NGEF: variants seen among roughly 807,000 people sequenced by gnomAD.
NGEF encodes the protein ephexin-1.
NGEF carries 31 observed loss-of-function variants against 80.9 expected under a neutral mutation model. That is an observed-to-expected ratio of 0.38 (90% CI 0.29 to 0.52). The LOEUF is 0.52. Among genes scored for constraint, NGEF ranks in the 20% least tolerant of loss-of-function variants. The probability of loss-of-function intolerance (pLI) is 0.84; values close to 1 mark genes in which losing one functional copy is unlikely to be tolerated. For missense variants in NGEF, 709 were observed against 926.2 expected (o/e 0.77, Z 3.04); for synonymous variants, 371 against 370.2 (o/e 1.00, Z -0.03).
At chr2:232,949,764 C>A (rs1693642034) in intron 3 of NGEF, among the ~76,000 whole-genome samples, 1 of 151,582 alleles carries the variant, frequency 6.6e-6, no homozygotes, top group Admixed American at 6.6e-5. Context: ...CAGGTTGAGC[C>A]ACTGCGCCTG....
chr2:232,916,602 G>A (rs1174686637), intron 5 of NGEF, among the ~76,000 whole-genome samples: 3 of 152,214 alleles, frequency 2.0e-5, no homozygotes, highest in Non-Finnish European at 4.4e-5. Flanking sequence ...CAATAAACAT[G>A]TGAAAAGATG....
intron 12 of NGEF, among the ~76,000 whole-genome samples, 158 bp downstream of exon 12, chr2:232,883,153 A>G (rs540131734): frequency 6.6e-6 from 1 of 152,252 alleles, no homozygotes; most frequent in Admixed American, 6.5e-5. Context: ...GCTCCATAGA[A>G]AGTATTGGCG....
rs1444160637 is a variant in NGEF at position 232,920,252 on chromosome 2, T to C, written c.828+32A>G. 1.9e-6 allele frequency: 3 copies of C among 1,589,914 alleles called. No homozygotes were observed. In the South Asian group the frequency reaches 3.4e-5, roughly 18 times the overall value. On this transcript the variant is annotated intron_variant, in intron 5 of 14. Transcript: ENST00000264051. ...CAGTGAGGGCCACCCCGGTGTGCTG[T>C]GGGGGAGCCCCCGCCCCTCGGCGCC...
At position 232,881,218 on chromosome 2, in the gene NGEF, C is replaced by T. The variant is rs367563758; in HGVS notation, c.1870G>A (p.Val624Met). The change falls in exon 14 of 15, where the codon GTG becomes ATG. Residue 624 changes from valine to methionine, a missense_variant. By Grantham distance (21) the Val-to-Met change is conservative. Around this residue, in one of 2 missense-constraint regions of NGEF, gnomAD observed 426 missense variants for 622.9 expected, o/e 0.68. Coordinates refer to ENST00000264051, the MANE Select transcript of NGEF (RefSeq NM_019850.3). ...CPQVQCVHPY[V>M]AQQPDELTLE... is the part of the protein sequence containing the mutation. Reference sequence around the variant, plus strand: ...GTCAGCTCGTCTGGCTGCTGAGCCACGTATGGGTGCACGCACTGGACCTGG... The same window carrying T: ...GTCAGCTCGTCTGGCTGCTGAGCCATGTATGGGTGCACGCACTGGACCTGG... 9 of 1,610,090 alleles carry T rather than the reference C, an allele frequency of 5.6e-6. No individual in the cohort carries two copies. The highest frequency in any genetic ancestry group is 3.3e-5 in the Admixed American group (2 of 59,974).
intron 1 of NGEF, among the ~76,000 whole-genome samples, chr2:232,992,166 G>T (rs1044520314): frequency 9.2e-5 from 14 of 152,056 alleles, no homozygotes; most frequent in African/African-American, 3.4e-4. Flanking sequence ...ATAGGTAATG[G>T]TTTCCTACAT....
intron 1 of NGEF, among the ~76,000 whole-genome samples, chr2:232,978,580 A>C (rs1401767039): frequency 6.6e-5 from 10 of 152,214 alleles, no homozygotes; most frequent in Admixed American, 6.5e-4. Context: ...TAGTTTTGAC[A>C]AACACATTCA....
chr2:232,952,953 AAG>A (rs1195739569), intron 3 of NGEF, among the ~76,000 whole-genome samples: 2 of 92,956 alleles, frequency 2.2e-5, no homozygotes, highest in Non-Finnish European at 4.9e-5. Context: ...GAGTGCAGAC[AAG>A]AGTGAGACAG....
chr2:232,903,457 C>A (rs1692413795), intron 5 of NGEF, among the ~76,000 whole-genome samples: 1 of 152,082 alleles, frequency 6.6e-6, no homozygotes, highest in South Asian at 2.1e-4. Flanking sequence ...CACACACACA[C>A]ACACCTGAAT....
intron 3 of NGEF, among the ~76,000 whole-genome samples, chr2:232,940,094 G>A (rs1179632715): frequency 2.6e-5 from 4 of 152,114 alleles, no homozygotes; most frequent in Admixed American, 6.5e-5. Context: ...GGTGTGACGT[G>A]CCACTAAAAT....
chr2:232,977,315 G>A (rs1479867791), intron 1 of NGEF, among the ~76,000 whole-genome samples: 1 of 152,190 alleles, frequency 6.6e-6, no homozygotes. Flanking sequence ...ACCTCTGGGA[G>A]CCTGGGGGCA....
chr2:232,894,411 C>A (rs1422505669), intron 6 of NGEF, among the ~76,000 whole-genome samples: 1 of 152,180 alleles, frequency 6.6e-6, no homozygotes, highest in Non-Finnish European at 1.5e-5. Flanking sequence ...CACAAGACTC[C>A]CGTGGACCTG....
chr2:232,880,257 G>A (rs369680854), intron 14 of NGEF, among the ~76,000 whole-genome samples: 1 of 152,176 alleles, frequency 6.6e-6, no homozygotes, highest in Non-Finnish European at 1.5e-5. Context: ...TTCTCCCTGC[G>A]CTGTTTCTCC....
intron 14 of NGEF, 69 bp from the exon 15 acceptor site, chr2:232,879,748 C>T: frequency 6.8e-7 from 1 of 1,467,614 alleles, no homozygotes; most frequent in Non-Finnish European, 9.3e-7. Context: ...AGGCTCCCTC[C>T]TGGCCAGGGC....
intron 5 of NGEF, among the ~76,000 whole-genome samples, chr2:232,896,008 A>G (rs1345571369): frequency 6.6e-6 from 1 of 150,474 alleles, no homozygotes; most frequent in Non-Finnish European, 1.5e-5. Context: ...TTGTTTACAA[A>G]TCAACCCAAT....
intron 1 of NGEF, among the ~76,000 whole-genome samples, chr2:232,983,936 A>G (rs1429832204): frequency 2.0e-5 from 3 of 152,078 alleles, no homozygotes; most frequent in Admixed American, 6.5e-5. Context: ...ACCTCTTCTC[A>G]CTCCTTGCTG....
At chr2:232,880,864 C>T (rs895839873) in intron 14 of NGEF, among the ~76,000 whole-genome samples, 2 of 152,130 alleles carry the variant, frequency 1.3e-5, no homozygotes, top group East Asian at 3.9e-4. Flanking sequence ...GAGGGGGACA[C>T]GAAGCCACCC....
rs550942158 is a variant in NGEF at position 232,920,766 on chromosome 2, C to T, written c.527-181G>A. ...TCCAGGCCACGGGATACACTGCCAT[C>T]GTCCTCATTTCTTGGGAAAGACCAG... On this transcript the variant is annotated intron_variant, in intron 4 of 14. Transcript: ENST00000264051. Among the ~76,000 whole-genome samples, 6 of 152,280 alleles carry T rather than the reference C, an allele frequency of 3.9e-5. No individual in the cohort carries two copies. In the East Asian group the frequency reaches 9.7e-4, roughly 24 times the overall value.
intron 1 of NGEF, among the ~76,000 whole-genome samples, chr2:232,996,350 AAAC>A (rs537803749): frequency 1.3e-5 from 2 of 152,176 alleles, no homozygotes; most frequent in South Asian, 2.1e-4. Flanking sequence ...ACAACAACAC[AAAC>A]AACAACAACA....
At chr2:232,928,098 A>AGC in intron 3 of NGEF, 1 of 1,069,574 alleles carries the variant, frequency 9.3e-7, no homozygotes, top group Non-Finnish European at 1.1e-6. Flanking sequence ...GCGGGGTCGC[A>AGC]GCGCGCGCGG....
Sources: allele counts gnomAD v4.1 joint callset (sites outside exome capture counted in the v4.1 genomes callset), GRCh38; gene constraint gnomAD v4.1.1; regional missense constraint gnomAD v4.1.1; transcripts MANE v1.5; gene names NCBI Gene and HGNC (gene_info 2026-07-23, HGNC 2026-07-21).